Variants in SPECC1L observed in about 807,000 individuals in gnomAD.
SPECC1L encodes sperm antigen with calponin homology and coiled-coil domains 1 like.
SPECC1L carries 40 observed loss-of-function variants against 116.8 expected under a neutral mutation model. The observed-to-expected ratio is 0.34, with a 90% confidence interval of 0.27 to 0.45. The LOEUF is 0.45. SPECC1L is among the 20% of genes least tolerant of loss of function. SPECC1L has a pLI of 1.00. For synonymous variants in SPECC1L, 504 were observed against 500.6 expected (o/e 1.01, Z -0.09); for missense variants, 1,110 against 1,373.6 (o/e 0.81, Z 3.03).
In SPECC1L at chr22:24,388,231, C is replaced by A. The variant is rs1476255566; in HGVS notation, c.3087+18911C>A. 2.6e-5 allele frequency among the ~76,000 whole-genome samples: 3 copies of A among 113,684 alleles called. No homozygotes were observed. In the South Asian group the frequency reaches 1.1e-3, roughly 42 times the overall value. The allele number at this position is 113,684 out of a possible 152,430, so 74.6% of individuals were successfully genotyped here. ...ATATCTCCTAATGCTATCCCTCCCCCCTCCCCCCACCCCACAACAGGCCCC... is the reference window on the plus strand; with the variant it reads ...ATATCTCCTAATGCTATCCCTCCCCACTCCCCCCACCCCACAACAGGCCCC... On this transcript the variant is annotated intron_variant, in intron 14 of 16. Coordinates refer to ENST00000314328, the MANE Select transcript of SPECC1L (RefSeq NM_015330.6).
At chr22:24,388,479 C>A (rs1270577005) in intron 14 of SPECC1L, among the ~76,000 whole-genome samples, 1 of 151,838 alleles carries the variant, frequency 6.6e-6, no homozygotes, top group East Asian at 1.9e-4. Context: ...TTAATCCAGT[C>A]TATCATTGTT....
rs538972717 is a variant in SPECC1L, at chr22:24,383,792, A to ATTT, written c.3087+14510_3087+14512dup. Among the ~76,000 whole-genome samples the ATTT allele has an allele frequency of 5.3e-4, 41 of 77,324 alleles. 3 individuals are homozygous for ATTT. The highest frequency in any genetic ancestry group is 9.1e-4 in the African/African-American group (14 of 15,330). 50.7% of individuals were successfully genotyped at this position (77,324 alleles called of 152,430 possible). ...GCTGGGATTACAGGCACCCACCACT[A>ATTT]TTTTTTTTTTTTTTTTTTTTTTTTT... On this transcript the variant is annotated intron_variant, in intron 14 of 16. Coordinates refer to ENST00000314328, the MANE Select transcript of SPECC1L (RefSeq NM_015330.6).
At chr22:24,385,692 C>CTT (rs1013512666) in intron 14 of SPECC1L, among the ~76,000 whole-genome samples, 10 of 152,194 alleles carry the variant, frequency 6.6e-5, no homozygotes, top group African/African-American at 9.6e-5. Flanking sequence ...CCCAGTAAGA[C>CTT]TTTAGAGGCA....
Position 24,349,524 on chromosome 22 carries a change from G to A in SPECC1L, c.2743+2348G>A, listed in dbSNP as rs868776196. Among the ~76,000 whole-genome samples, 60 of 152,286 alleles carry A rather than the reference G, an allele frequency of 3.9e-4. 1 individual carries two copies. Among genetic ancestry groups the A allele is most frequent in the East Asian group, 3.9e-4 (2 of 5,176 alleles). ...CTGTTCTTCTCTGGACTCTAGGTTC[G>A]TGTATACAGTTGCCTACTTGACATC... On this transcript the variant is annotated intron_variant, in intron 11 of 16. Transcript: ENST00000314328.
At chr22:24,297,614 T>C (rs1482185320) in intron 2 of SPECC1L, among the ~76,000 whole-genome samples, 1 of 152,242 alleles carries the variant, frequency 6.6e-6, no homozygotes, top group African/African-American at 2.4e-5. Context: ...AGTTGCCCTT[T>C]ATCTATGGTT....
intron 2 of SPECC1L, among the ~76,000 whole-genome samples, chr22:24,297,558 G>A (rs180681905): frequency 1.3e-5 from 2 of 152,160 alleles, no homozygotes; most frequent in Non-Finnish European, 2.9e-5. Context: ...TGTGTCATGC[G>A]CATCCTATTG....
At chr22:24,366,726 A>G (rs2041774412) in intron 13 of SPECC1L, among the ~76,000 whole-genome samples, 1 of 152,192 alleles carries the variant, frequency 6.6e-6, no homozygotes, top group Admixed American at 6.5e-5. Flanking sequence ...GAGTCTGGGA[A>G]CGTGGTGCTA....
At chr22:24,349,424 C>A (rs903717042) in intron 11 of SPECC1L, among the ~76,000 whole-genome samples, 1 of 152,160 alleles carries the variant, frequency 6.6e-6, no homozygotes, top group African/African-American at 2.4e-5. Context: ...TCCTCACTTT[C>A]TTTGTTATTG....
intron 14 of SPECC1L, among the ~76,000 whole-genome samples, chr22:24,376,655 G>A (rs1286575669): frequency 6.6e-6 from 1 of 152,160 alleles, no homozygotes; most frequent in Non-Finnish European, 1.5e-5. Flanking sequence ...TTTATGCTAA[G>A]GGAAAGAAGC....
intron 10 of SPECC1L, 59 bp from the exon 11 acceptor site, chr22:24,347,027 T>G: frequency 7.6e-7 from 1 of 1,319,408 alleles, no homozygotes; most frequent in South Asian, 1.2e-5. Flanking sequence ...TGTGCGGCAT[T>G]TACTTTGTGA....
At chr22:24,304,457 G>A (rs1200161768) in intron 3 of SPECC1L, 1 of 152,264 alleles carries the variant, frequency 6.6e-6, no homozygotes, top group African/African-American at 2.4e-5. Context: ...CTCACAGTGA[G>A]TTTTGGAGAC....
chr22:24,378,657 A>G (rs2042012084), intron 14 of SPECC1L, among the ~76,000 whole-genome samples: 2 of 152,162 alleles, frequency 1.3e-5, no homozygotes, highest in Admixed American at 6.5e-5. Flanking sequence ...TAATATTTTT[A>G]TATCTCAAGG....
chr22:24,280,908 T>C (rs915259527), intron 2 of SPECC1L, among the ~76,000 whole-genome samples: 2 of 152,114 alleles, frequency 1.3e-5, no homozygotes, highest in Admixed American at 6.6e-5. Flanking sequence ...TGATTTTTTT[T>C]CCCCCAACCA....
intron 9 of SPECC1L, among the ~76,000 whole-genome samples, chr22:24,335,863 GTATAA>G (rs924835632): frequency 2.0e-5 from 3 of 151,740 alleles, no homozygotes; most frequent in East Asian, 1.9e-4. Context: ...TATGTATTAT[GTATAA>G]TATAAGATAG....
chr22:24,302,519 C>A, intron 3 of SPECC1L, 135 bp downstream of exon 3: 2 of 1,148,100 alleles, frequency 1.7e-6, no homozygotes, highest in South Asian at 1.3e-5. Context: ...TTGAAGAGAG[C>A]TTACAGTGGG....
In SPECC1L at chr22:24,276,775, T is replaced by C. The variant is rs898645814; in HGVS notation, c.-66T>C. Reference sequence around the variant, plus strand: ...ATCATGAGTTCCTGAGGCAGTCCGATGGGGCTACTTTATTCCAGAACAATC... The same window carrying C: ...ATCATGAGTTCCTGAGGCAGTCCGACGGGGCTACTTTATTCCAGAACAATC... On this transcript the variant is annotated 5_prime_UTR_variant, in exon 2 of 17. It removes an upstream start codon present in the reference 5' UTR. Transcript: ENST00000314328. The C allele has an allele frequency of 6.6e-6, 3 of 453,794 alleles. No homozygotes were observed. Among genetic ancestry groups the C allele is most frequent in the African/African-American group, 2.0e-5 (1 of 49,990 alleles). The allele number at this position is 453,794 out of a possible 1,614,324, so 28.1% of individuals were successfully genotyped here. A position where few individuals can be genotyped will look rare whatever the true frequency, so the allele number is the denominator to read the frequency against.
intron 16 of SPECC1L, among the ~76,000 whole-genome samples, chr22:24,413,546 T>C (rs2042742420): frequency 6.6e-6 from 1 of 152,306 alleles, no homozygotes; most frequent in Middle Eastern, 3.4e-3. Context: ...AAGAAGTGTT[T>C]ACGCCCATGT....
rs1276416050 is a variant in SPECC1L, at chr22:24,415,377, C to G, written c.*754C>G. ...CCAGCCTGGAAGGGGTTTGGAGTCC[C>G]AGCTCTGGCTTTAGATTTCTTCATC... On this transcript the variant is annotated 3_prime_UTR_variant, in exon 17 of 17. Coordinates refer to ENST00000314328, the MANE Select transcript of SPECC1L (RefSeq NM_015330.6). 1 of 152,698 alleles carries G rather than the reference C, an allele frequency of 6.5e-6. No homozygotes were observed. The allele number at this position is 152,698 out of a possible 1,614,324, so 9.5% of individuals were successfully genotyped here.
Position 24,321,708 on chromosome 22 carries a change from T to C in SPECC1L, c.728T>C (p.Leu243Ser). The part of the protein sequence containing the change: ...AHQPTDVEST[L>S]LQLQEQNTAI... ...CAGCCGACTGATGTGGAGTCCACTT[T>C]ATTGCAGTTGCAGGAACAGAATACT... is the stretch of plus-strand genomic sequence containing the variant. The change falls in exon 5 of 17, where the codon TTA becomes TCA. Residue 243 changes from leucine to serine, a missense_variant. By Grantham distance (145) the Leu-to-Ser change is moderately radical. Transcript: ENST00000314328. 1.2e-6 allele frequency: 2 copies of C among 1,614,226 alleles called. No individual in the cohort carries two copies. Among genetic ancestry groups the C allele is most frequent in the Non-Finnish European group, 1.7e-6 (2 of 1,180,032 alleles).
Sources: gnomAD v4.1 joint callset for allele counts (sites outside exome capture counted in the v4.1 genomes callset) on GRCh38, gnomAD v4.1.1 for gene constraint, MANE v1.5 for transcripts, NCBI Gene and HGNC (gene_info 2026-07-23, HGNC 2026-07-21) for gene names.